ACSS3: variants seen among roughly 807,000 people sequenced by gnomAD.
ACSS3 encodes the protein acyl-CoA synthetase short chain family member 3.
A neutral mutation model predicts 84.2 loss-of-function variants in ACSS3; 64 were observed. That is an observed-to-expected ratio of 0.76 (90% confidence interval 0.62 to 0.94). The LOEUF (loss-of-function observed/expected upper bound fraction) is 0.94, where lower values mean the gene tolerates loss of function less well. ACSS3 is among the 40% of genes least tolerant of loss of function. ACSS3 has a pLI of 0.00. For synonymous variants in ACSS3, 317 were observed against 310.1 expected, an observed-to-expected ratio of 1.02 and a Z score of -0.23; for missense variants, 815 against 867.6, an observed-to-expected ratio of 0.94 and a Z score of 0.76.
At chr12:81,241,702 A>T (rs2033809240) in intron 13 of ACSS3, among the ~76,000 whole-genome samples, 1 of 151,854 alleles carries the variant, frequency 6.6e-6, no homozygotes, top group South Asian at 2.1e-4. Flanking sequence ...TTTCTTGTAA[A>T]TTTGTTTGAG....
chr12:81,133,256 G>A (rs1885618356), intron 2 of ACSS3, among the ~76,000 whole-genome samples: 3 of 152,042 alleles, frequency 2.0e-5, no homozygotes, highest in Admixed American at 1.3e-4. Flanking sequence ...CAGAAAGTAG[G>A]AGAGACAAAA....
intron 1 of ACSS3, chr12:81,094,448 T>TGA: frequency 6.6e-6 from 1 of 152,332 alleles, no homozygotes. Flanking sequence ...CAGACACAAT[T>TGA]GACGCTCCCT....
intron 2 of ACSS3, among the ~76,000 whole-genome samples, chr12:81,131,778 C>T (rs1407387869): frequency 6.6e-6 from 1 of 152,042 alleles, no homozygotes; most frequent in Non-Finnish European, 1.5e-5. Context: ...ATAAATAGCT[C>T]TTATTATTTT....
At chr12:81,243,648 GTA>G (rs1179697873) in intron 13 of ACSS3, among the ~76,000 whole-genome samples, 1 of 152,118 alleles carries the variant, frequency 6.6e-6, no homozygotes, top group Non-Finnish European at 1.5e-5. Context: ...CATGGTACTG[GTA>G]CCAAAACAGA....
rs188051817 is a variant in ACSS3, at chr12:81,189,660, C to T, written c.1251-9681C>T. 1.1e-3 allele frequency among the ~76,000 whole-genome samples: 164 copies of T among 152,110 alleles called. 1 individual carries two copies. Among genetic ancestry groups the T allele is most frequent in the Admixed American group, 2.9e-3 (45 of 15,264 alleles). Reference sequence around the variant, plus strand: ...TTCTCCAACTTCTGACTTAAATTTTCCTTTTACCATCACAGTGGTGACTTC... The same window carrying T: ...TTCTCCAACTTCTGACTTAAATTTTTCTTTTACCATCACAGTGGTGACTTC... On this transcript the variant is annotated intron_variant, in intron 8 of 15. Coordinates refer to ENST00000548058, the MANE Select transcript of ACSS3 (RefSeq NM_024560.4).
At chr12:81,095,522 A>G (rs1357076644) in intron 1 of ACSS3, among the ~76,000 whole-genome samples, 1 of 152,212 alleles carries the variant, frequency 6.6e-6, no homozygotes, top group African/African-American at 2.4e-5. Flanking sequence ...ATACAAATAA[A>G]CAAGATAAAA....
chr12:81,211,738 T>G (rs1341763779), intron 9 of ACSS3, among the ~76,000 whole-genome samples: 1 of 152,240 alleles, frequency 6.6e-6, no homozygotes, highest in Non-Finnish European at 1.5e-5. Context: ...AAATTATATT[T>G]ACATTGTTAT....
At chr12:81,094,559 T>C (rs2121357280) in intron 1 of ACSS3, 1 of 152,314 alleles carries the variant, frequency 6.6e-6, no homozygotes, top group Middle Eastern at 3.4e-3. Context: ...TCTCAAATGA[T>C]TGATTGTATT....
intron 2 of ACSS3, among the ~76,000 whole-genome samples, chr12:81,118,699 G>A (rs1435826769): frequency 6.6e-6 from 1 of 152,154 alleles, no homozygotes; most frequent in African/African-American, 2.4e-5. Context: ...TGAAATTGAA[G>A]TCTCATAGGT....
intron 1 of ACSS3, among the ~76,000 whole-genome samples, chr12:81,089,088 G>A (rs984596127): frequency 4.0e-5 from 6 of 151,744 alleles, no homozygotes; most frequent in Admixed American, 6.6e-5. Context: ...AATCTATAAT[G>A]ACCACATTAT....
intron 9 of ACSS3, among the ~76,000 whole-genome samples, chr12:81,202,851 G>A (rs145398763): frequency 1.3e-5 from 2 of 152,256 alleles, no homozygotes; most frequent in East Asian, 1.9e-4. Flanking sequence ...AAGGGACTCC[G>A]CAGTCAGTTC....
chr12:81,224,369 G>A (rs1018593112), intron 11 of ACSS3, among the ~76,000 whole-genome samples: 6 of 151,778 alleles, frequency 4.0e-5, no homozygotes, highest in Non-Finnish European at 7.4e-5. Flanking sequence ...CACTTAATGT[G>A]TAATAATCCT....
At chr12:81,230,182 CTATGTTTTACAG>C (rs1440227333) in intron 11 of ACSS3, among the ~76,000 whole-genome samples, 3 of 151,780 alleles carry the variant, frequency 2.0e-5, no homozygotes. Context: ...TTGAAAGCCC[CTATGTTTTACAG>C]TATTGAAAAT....
intron 12 of ACSS3, 65 bp from the exon 13 acceptor site, chr12:81,233,284 A>G (rs2033525312): frequency 1.9e-6 from 3 of 1,542,226 alleles, no homozygotes; most frequent in African/African-American, 2.8e-5. Context: ...TGTTTTACCA[A>G]GTTTAAAATG....
In ACSS3 at chr12:81,257,440, C is replaced by G. The variant is rs1260101334; in HGVS notation, c.*2518C>G. On this transcript the variant is annotated 3_prime_UTR_variant, in exon 16 of 16. Coordinates refer to ENST00000548058, the MANE Select transcript of ACSS3 (RefSeq NM_024560.4). ...TCTGAATTAAATGTATCTTTAAAAACAACAATATAATATTACTAAAAAATG... is the reference window on the plus strand; with the variant it reads ...TCTGAATTAAATGTATCTTTAAAAAGAACAATATAATATTACTAAAAAATG... 1.3e-5 allele frequency: 2 copies of G among 152,038 alleles called. No individual in the cohort carries two copies. The highest frequency in any genetic ancestry group is 3.9e-4 in the East Asian group (2 of 5,190). 9.4% of individuals were successfully genotyped at this position (152,038 alleles called of 1,614,324 possible).
At chr12:81,178,910 A>G (rs1192145657) in intron 8 of ACSS3, among the ~76,000 whole-genome samples, 1 of 152,192 alleles carries the variant, frequency 6.6e-6, no homozygotes, top group Admixed American at 6.5e-5. Context: ...ACAAGGCTAC[A>G]TTAACTAAAA....
chr12:81,213,747 G>GCTCCTCTCCTCTCCGCTCCTCTCTT (rs1448912667), intron 9 of ACSS3, among the ~76,000 whole-genome samples: 8 of 88,196 alleles, frequency 9.1e-5, no homozygotes. Flanking sequence ...CCTCCGCTCG[G>GCTCCTCTCCTCTCCGCTCCTCTCTT]CTCCTCTCCT....
chr12:81,139,973 GATA>G (rs1886015265), intron 4 of ACSS3, among the ~76,000 whole-genome samples: 8 of 152,194 alleles, frequency 5.3e-5, no homozygotes, highest in Admixed American at 5.2e-4. Flanking sequence ...TTAACTAGAT[GATA>G]ATATTATTAC....
intron 9 of ACSS3, among the ~76,000 whole-genome samples, chr12:81,210,636 A>T (rs2032554582): frequency 6.6e-6 from 1 of 152,126 alleles, no homozygotes; most frequent in Non-Finnish European, 1.5e-5. Flanking sequence ...TACATTACCC[A>T]TCTCTTTTGT....
Sources: allele counts gnomAD v4.1 joint callset (sites outside exome capture counted in the v4.1 genomes callset), GRCh38; gene constraint gnomAD v4.1.1; transcripts MANE v1.5; gene names NCBI Gene and HGNC (gene_info 2026-07-23, HGNC 2026-07-21).